Variants in MARCHF1 observed in about 807,000 individuals in gnomAD.
MARCHF1 encodes membrane associated ring-CH-type finger 1.
A neutral mutation model predicts 54.2 loss-of-function variants in MARCHF1; 40 were observed. The ratio of observed to expected loss-of-function variants is 0.74; its 90% CI spans 0.57 to 0.96. MARCHF1 has a LOEUF of 0.96. Ranked by LOEUF, MARCHF1 falls within the 40% of genes least tolerant of loss-of-function variation. The pLI, the probability that MARCHF1 is intolerant of heterozygous loss-of-function variation, is 0.00. For missense variants in MARCHF1, 586 were observed against 656.5 expected (o/e 0.89, Z 1.17); for synonymous variants, 236 against 236.3 (o/e 1.00, Z 0.01).
In MARCHF1 at chr4:164,246,474, GT is replaced by G. The variant is rs1388466699; in HGVS notation, c.-322-134813del. ...TTCAAGATGGATTAAAGACTTAAACGTTAGACCTAAAACCATAAAAACCCTA... is the reference window on the plus strand; with the variant it reads ...TTCAAGATGGATTAAAGACTTAAACGTAGACCTAAAACCATAAAAACCCTA... On this transcript the variant is annotated intron_variant, in intron 1 of 9. Transcript: ENST00000514618. Among the ~76,000 whole-genome samples the G allele has an allele frequency of 1.1e-3, 58 of 51,690 alleles. 6 individuals are homozygous for G. Among genetic ancestry groups the G allele is most frequent in the African/African-American group, 2.8e-3 (56 of 20,162 alleles). 33.9% of individuals were successfully genotyped at this position (51,690 alleles called of 152,430 possible).
chr4:163,894,908 T>TATATATACATGCATGTGATGC (rs1560808117), intron 3 of MARCHF1, among the ~76,000 whole-genome samples: 452 of 1,016 alleles, frequency 0.44, 192 homozygotes, highest in South Asian at 0.78. Flanking sequence ...ATGTGATGCA[T>TATATATACATGCATGTGATGC]ATATATATAT....
intron 1 of MARCHF1, among the ~76,000 whole-genome samples, chr4:164,280,355 T>G (rs181251689): frequency 2.6e-3 from 396 of 151,968 alleles, no homozygotes; most frequent in African/African-American, 9.2e-3. Flanking sequence ...AACACAATAA[T>G]AGAAAAATCA....
intron 2 of MARCHF1, among the ~76,000 whole-genome samples, chr4:164,007,081 G>A (rs537981481): frequency 7.2e-6 from 1 of 138,870 alleles, no homozygotes; most frequent in East Asian, 2.3e-4. Flanking sequence ...GCTCACACCT[G>A]TAATCCCAGC....
At chr4:164,008,720 T>C (rs1753351734) in intron 2 of MARCHF1, among the ~76,000 whole-genome samples, 1 of 152,088 alleles carries the variant, frequency 6.6e-6, no homozygotes, top group Non-Finnish European at 1.5e-5. Flanking sequence ...TTAAACAACA[T>C]ACTTCTGAAG....
At chr4:163,668,510 G>C (rs1743619040) in intron 5 of MARCHF1, among the ~76,000 whole-genome samples, 1 of 152,130 alleles carries the variant, frequency 6.6e-6, no homozygotes, top group Admixed American at 6.5e-5. Context: ...GAGGTAGAAT[G>C]GGCAAGGAAA....
intron 1 of MARCHF1, among the ~76,000 whole-genome samples, chr4:164,154,134 T>C (rs998876665): frequency 6.6e-6 from 1 of 152,226 alleles, no homozygotes; most frequent in Admixed American, 6.5e-5. Context: ...TTCTGTGTGT[T>C]TTATGAAGTA....
intron 4 of MARCHF1, among the ~76,000 whole-genome samples, chr4:163,824,456 G>T (rs938645880): frequency 1.4e-5 from 2 of 145,298 alleles, no homozygotes; most frequent in African/African-American, 5.0e-5. Flanking sequence ...GCTGAAACTG[G>T]ATCCCTTCCT....
intron 3 of MARCHF1, among the ~76,000 whole-genome samples, chr4:163,913,449 T>C (rs1287007234): frequency 6.6e-6 from 1 of 152,192 alleles, no homozygotes; most frequent in African/African-American, 2.4e-5. Flanking sequence ...TTTTCAGTGC[T>C]CTAGTCTTAC....
At chr4:163,991,010 G>T (rs1230490882) in intron 2 of MARCHF1, among the ~76,000 whole-genome samples, 1 of 152,094 alleles carries the variant, frequency 6.6e-6, no homozygotes, top group Admixed American at 6.5e-5. Flanking sequence ...GTTATCCTTT[G>T]TTTGCTATGA....
chr4:164,132,225 A>T (rs529291572), intron 1 of MARCHF1, among the ~76,000 whole-genome samples: 1 of 152,172 alleles, frequency 6.6e-6, no homozygotes, highest in South Asian at 2.1e-4. Context: ...GATCTTATCA[A>T]GGCTTATACT....
At chr4:164,075,546 C>A (rs1417233707) in intron 2 of MARCHF1, among the ~76,000 whole-genome samples, 1 of 152,190 alleles carries the variant, frequency 6.6e-6, no homozygotes, top group African/African-American at 2.4e-5. Context: ...TGACATCAGA[C>A]ACATGTGCAA....
chr4:163,636,704 C>G (rs1389457494), intron 5 of MARCHF1, among the ~76,000 whole-genome samples: 1 of 152,046 alleles, frequency 6.6e-6, no homozygotes, highest in Non-Finnish European at 1.5e-5. Context: ...CCATCCCCAT[C>G]AAGCTACCAA....
chr4:163,819,579 C>G (rs1300083893), intron 4 of MARCHF1, among the ~76,000 whole-genome samples: 1 of 152,096 alleles, frequency 6.6e-6, no homozygotes, highest in East Asian at 1.9e-4. Flanking sequence ...ACTTTTCAAG[C>G]CTCATCAAAT....
chr4:163,996,439 G>A (rs998346446), intron 2 of MARCHF1, among the ~76,000 whole-genome samples: 4 of 152,090 alleles, frequency 2.6e-5, no homozygotes, highest in Non-Finnish European at 4.4e-5. Flanking sequence ...GCAGACTTAC[G>A]AAATTTGGTT....
At chr4:163,918,150 A>G (rs918793440) in intron 3 of MARCHF1, among the ~76,000 whole-genome samples, 1 of 152,136 alleles carries the variant, frequency 6.6e-6, no homozygotes, top group African/African-American at 2.4e-5. Flanking sequence ...GTAAATAGGG[A>G]ATCCTTTCAC....
intron 5 of MARCHF1, among the ~76,000 whole-genome samples, chr4:163,639,873 T>G (rs919356044): frequency 6.6e-6 from 1 of 152,114 alleles, no homozygotes; most frequent in African/African-American, 2.4e-5. Context: ...AACAGCTATT[T>G]TGTTGGTGAA....
At chr4:164,360,895 C>G (rs890577669) in intron 1 of MARCHF1, among the ~76,000 whole-genome samples, 4 of 151,992 alleles carry the variant, frequency 2.6e-5, no homozygotes, top group African/African-American at 4.8e-5. Flanking sequence ...TATTTCTATA[C>G]TATTTCTAAA....
At chr4:163,909,025 T>C (rs1751132487) in intron 3 of MARCHF1, among the ~76,000 whole-genome samples, 1 of 151,806 alleles carries the variant, frequency 6.6e-6, no homozygotes, top group Non-Finnish European at 1.5e-5. Flanking sequence ...GAAAAGAAAA[T>C]CAATAACACA....
chr4:163,781,401 C>G (rs28562031), intron 4 of MARCHF1, among the ~76,000 whole-genome samples: 44,713 of 152,012 alleles, frequency 0.29, 7,952 homozygotes, highest in Non-Finnish European at 0.41. Context: ...AGGCTTGGAG[C>G]CAGATACGGC....
Sources: allele counts gnomAD v4.1 joint callset (sites outside exome capture counted in the v4.1 genomes callset), GRCh38; gene constraint gnomAD v4.1.1; transcripts MANE v1.5; gene names NCBI Gene and HGNC (gene_info 2026-07-23, HGNC 2026-07-21).